Variants in CDH2 observed in about 807,000 individuals in gnomAD.
CDH2 encodes cadherin 2, also known as cadherin-2.
A neutral mutation model predicts 92.0 loss-of-function variants in CDH2; 17 were observed. The ratio of observed to expected loss-of-function variants is 0.18; its 90% CI spans 0.13 to 0.28. The LOEUF is 0.28. Among genes scored for constraint, CDH2 ranks in the 10% least tolerant of loss-of-function variants. CDH2 has a pLI of 1.00. For missense variants in CDH2, 862 were observed against 1,133.1 expected, an observed-to-expected ratio of 0.76 and a Z score of 3.44; for synonymous variants, 419 against 415.9, an observed-to-expected ratio of 1.01 and a Z score of -0.09.
intron 2 of CDH2, among the ~76,000 whole-genome samples, chr18:28,061,585 G>A (rs151287730): frequency 3.3e-5 from 5 of 152,080 alleles, no homozygotes; most frequent in Non-Finnish European, 1.5e-5. Context: ...CTCCAGTCTG[G>A]GACACAGAGC....
At chr18:28,106,473 G>GTTTTTTT (rs34443556) in intron 2 of CDH2, among the ~76,000 whole-genome samples, 1 of 146,788 alleles carries the variant, frequency 6.8e-6, no homozygotes, top group Non-Finnish European at 1.5e-5. Flanking sequence ...ACTTACCAGA[G>GTTTTTTT]TTTTTTTTTT....
chr18:27,953,311 A>T (rs1314990540), intron 15 of CDH2, among the ~76,000 whole-genome samples: 1 of 152,158 alleles, frequency 6.6e-6, no homozygotes, highest in Non-Finnish European at 1.5e-5. Context: ...TTAATATACA[A>T]TTAGAGTCTC....
At chr18:28,167,108 G>A (rs999049694) in intron 1 of CDH2, among the ~76,000 whole-genome samples, 13 of 152,010 alleles carry the variant, frequency 8.6e-5, no homozygotes, top group Admixed American at 2.6e-4. Flanking sequence ...AAGAAGCATC[G>A]CTGAAAAGAT....
At chr18:28,167,445 G>A (rs534682669) in intron 1 of CDH2, among the ~76,000 whole-genome samples, 1 of 152,122 alleles carries the variant, frequency 6.6e-6, no homozygotes, top group East Asian at 1.9e-4. Flanking sequence ...TATAGTGTCC[G>A]TCTTTCCTAA....
intron 2 of CDH2, among the ~76,000 whole-genome samples, chr18:28,052,524 G>A (rs2014212829): frequency 6.9e-6 from 1 of 144,976 alleles, no homozygotes; most frequent in African/African-American, 2.6e-5. Context: ...AAGGGAGAGA[G>A]AAATTTCAAA....
chr18:28,145,766 G>T (rs1037418687), intron 2 of CDH2, among the ~76,000 whole-genome samples: 5 of 151,636 alleles, frequency 3.3e-5, no homozygotes, highest in Non-Finnish European at 7.4e-5. Context: ...TACGATGCTG[G>T]TATCCTTTAA....
chr18:27,969,135 T>G lies in CDH2; in HGVS notation c.2350-5614A>C, dbSNP rs564671914. 2.0e-5 allele frequency among the ~76,000 whole-genome samples: 3 copies of G among 152,330 alleles called. No homozygotes were observed. The South Asian group carries it at 6.2e-4, about 32-fold the overall frequency. ...AGGTGAAACGATGTGGAAAACTAAG[T>G]AGATTCCATGGATTATCACAGCCCC... is the stretch of plus-strand genomic sequence containing the variant. On this transcript the variant is annotated intron_variant, in intron 14 of 15. Transcript: ENST00000269141.
chr18:28,049,143 G>A (rs1172767884), intron 2 of CDH2, among the ~76,000 whole-genome samples: 1 of 152,056 alleles, frequency 6.6e-6, no homozygotes, highest in East Asian at 1.9e-4. Flanking sequence ...TCAAGCAGAG[G>A]GCTTCTGATT....
At position 28,131,095 on chromosome 18, in the gene CDH2, C is replaced by T. The variant is rs887936056; in HGVS notation, c.172+16578G>A. ...AATGCCATGTAGGACCAATAAATAC[C>T]ACATAATTTGTTCGTAAAATAACTT... On this transcript the variant is annotated intron_variant, in intron 2 of 15. Transcript: ENST00000269141. 2.0e-5 allele frequency among the ~76,000 whole-genome samples: 3 copies of T among 151,960 alleles called. No individual in the cohort carries two copies. In the South Asian group the frequency reaches 6.3e-4, roughly 32 times the overall value.
rs530695228 is a variant in CDH2 at position 28,160,941 on chromosome 18, T to C, written c.61-13157A>G. Reference sequence around the variant, plus strand: ...TCACCTAGCACAAGGTTCAGAAATGTCCAATGATCCTTGTCCTTCTTGAGG... The same window carrying C: ...TCACCTAGCACAAGGTTCAGAAATGCCCAATGATCCTTGTCCTTCTTGAGG... On this transcript the variant is annotated intron_variant, in intron 1 of 15. Transcript: ENST00000269141. Among the ~76,000 whole-genome samples the C allele has an allele frequency of 2.6e-5, 4 of 152,304 alleles. No homozygotes were observed. In the Middle Eastern group the frequency reaches 0.014, roughly 518 times the overall value.
intron 2 of CDH2, among the ~76,000 whole-genome samples, chr18:28,096,733 TG>T (rs1004212046): frequency 5.9e-5 from 9 of 152,222 alleles, no homozygotes; most frequent in Non-Finnish European, 1.3e-4. Context: ...TTTATGATCG[TG>T]AAGGCACTGC....
rs935096671 is a variant in CDH2 at position 28,018,657 on chromosome 18, T to TA, written c.173-4749dup. ...CCTCACTCTGTAAGAATGGCCATAA[T>TA]AAAAAAAATAATAGATGTTGGCATG... On this transcript the variant is annotated intron_variant, in intron 2 of 15. Transcript: ENST00000269141. 2.6e-5 allele frequency among the ~76,000 whole-genome samples: 4 copies of TA among 151,194 alleles called. No individual in the cohort carries two copies. In the Admixed American group the frequency reaches 2.6e-4, roughly 10 times the overall value.
intron 2 of CDH2, among the ~76,000 whole-genome samples, chr18:28,028,917 C>A (rs1163357029): frequency 4.6e-5 from 7 of 152,208 alleles, no homozygotes; most frequent in African/African-American, 1.4e-4. Flanking sequence ...GACATGAAAT[C>A]TTTAAGCTGC....
chr18:28,141,374 A>T (rs1397152706), intron 2 of CDH2, among the ~76,000 whole-genome samples: 2 of 151,980 alleles, frequency 1.3e-5, no homozygotes, highest in African/African-American at 4.8e-5. Flanking sequence ...GAAAATGCTT[A>T]ATGACTAGAG....
chr18:28,087,638 T>G (rs1387438517), intron 2 of CDH2, among the ~76,000 whole-genome samples: 1 of 152,190 alleles, frequency 6.6e-6, no homozygotes, highest in Non-Finnish European at 1.5e-5. Context: ...CAAATGTGTA[T>G]TCCTTTGATA....
intron 2 of CDH2, among the ~76,000 whole-genome samples, chr18:28,064,393 G>T (rs1243891140): frequency 6.6e-6 from 1 of 151,970 alleles, no homozygotes; most frequent in Non-Finnish European, 1.5e-5. Flanking sequence ...ACCCTCCCAA[G>T]CAGCTAGGAC....
chr18:28,135,430 A>C lies in CDH2; in HGVS notation c.172+12243T>G, dbSNP rs564285519. 3.3e-5 allele frequency among the ~76,000 whole-genome samples: 5 copies of C among 152,292 alleles called. No individual in the cohort carries two copies. In the South Asian group the frequency reaches 1.0e-3, roughly 32 times the overall value. On this transcript the variant is annotated intron_variant, in intron 2 of 15. Coordinates refer to ENST00000269141, the MANE Select transcript of CDH2 (RefSeq NM_001792.5). ...ATGGGTTAAACCCTTAGGACATTTAAATATAAAACTACTAAAACTTGGACA... is the reference window on the plus strand; with the variant it reads ...ATGGGTTAAACCCTTAGGACATTTACATATAAAACTACTAAAACTTGGACA...
intron 13 of CDH2, 83 bp from the exon 14 acceptor site, chr18:27,983,166 TTTATAC>T: frequency 9.7e-7 from 1 of 1,032,738 alleles, no homozygotes; most frequent in Non-Finnish European, 1.4e-6. Context: ...GTACTAATAA[TTTATAC>T]TTATATGAAC....
chr18:28,051,159 A>T (rs914057786), intron 2 of CDH2, among the ~76,000 whole-genome samples: 1 of 152,172 alleles, frequency 6.6e-6, no homozygotes, highest in African/African-American at 2.4e-5. Context: ...CCTTCCAGGT[A>T]TTATATTATT....
Sources: gnomAD v4.1 joint callset for allele counts (sites outside exome capture counted in the v4.1 genomes callset) on GRCh38, gnomAD v4.1.1 for gene constraint, MANE v1.5 for transcripts, NCBI Gene and HGNC (gene_info 2026-07-23, HGNC 2026-07-21) for gene names.